The following CDK19 variants were observed in gnomAD, a reference collection of about 807,000 sequenced individuals.
CDK19 encodes cyclin-dependent kinase 19.
CDK19 carries 20 observed loss-of-function variants against 68.3 expected under a neutral mutation model. That is an observed-to-expected ratio of 0.29 (90% CI 0.21 to 0.43). The LOEUF is 0.43. Among genes scored for constraint, CDK19 ranks in the 20% least tolerant of loss-of-function variants. The pLI, the probability that CDK19 is intolerant of heterozygous loss-of-function variation, is 1.00. For synonymous variants in CDK19, 221 were observed against 222.8 expected, an observed-to-expected ratio of 0.99 and a Z score of 0.07; for missense variants, 339 against 623.5, an observed-to-expected ratio of 0.54 and a Z score of 4.86.
rs1365418903 is a variant in CDK19, at chr6:110,689,019, G to C, written c.205-18478C>G. Among the ~76,000 whole-genome samples, 3 of 152,160 alleles carry C rather than the reference G, an allele frequency of 2.0e-5. No homozygotes were observed. The East Asian group carries it at 5.8e-4, about 29-fold the overall frequency. On this transcript the variant is annotated intron_variant, in intron 2 of 12. Transcript: ENST00000368911. ...AAGGCTTATACCCTGGGGCAGTTTT[G>C]AGTTCTGAGCATACACAGCCTGAAC...
At chr6:110,797,009 C>CA (rs61247667) in intron 1 of CDK19, among the ~76,000 whole-genome samples, 2,474 of 111,830 alleles carry the variant, frequency 0.022, 76 homozygotes, top group African/African-American at 0.072. Flanking sequence ...AACTCCATCT[C>CA]AAAAAAAAAA....
chr6:110,629,310 G>A (rs1333965490), intron 6 of CDK19, among the ~76,000 whole-genome samples: 1 of 152,066 alleles, frequency 6.6e-6, no homozygotes, highest in Non-Finnish European at 1.5e-5. Flanking sequence ...CTACTTCTCA[G>A]GTTTCTTTCC....
intron 1 of CDK19, among the ~76,000 whole-genome samples, chr6:110,754,512 G>A (rs1019014732): frequency 6.7e-6 from 1 of 148,916 alleles, no homozygotes; most frequent in Non-Finnish European, 1.5e-5. Flanking sequence ...ACGGAGTCTC[G>A]CTCTGTCACC....
intron 1 of CDK19, among the ~76,000 whole-genome samples, chr6:110,806,148 C>T (rs1782666237): frequency 6.6e-6 from 1 of 151,518 alleles, no homozygotes; most frequent in African/African-American, 2.4e-5. Context: ...GAGACCAGCC[C>T]GGCCAACATG....
At chr6:110,689,932 T>C (rs754127940) in intron 2 of CDK19, among the ~76,000 whole-genome samples, 4 of 152,186 alleles carry the variant, frequency 2.6e-5, no homozygotes, top group Admixed American at 6.5e-5. Flanking sequence ...GAACATCCCG[T>C]GGGACAAAAT....
chr6:110,815,237 C>CCTCTCG lies in CDK19; in HGVS notation c.-107_-102dup. ...CGCCGCTCCACTTCTCCAACAGCCG[C>CCTCTCG]CTCTCGCGCGCGCGCGCGCGCCGCC... On this transcript the variant is annotated 5_prime_UTR_variant, in exon 1 of 13. Coordinates refer to ENST00000368911, the MANE Select transcript of CDK19 (RefSeq NM_015076.5). 1 of 1,286,326 alleles carries CCTCTCG rather than the reference C, an allele frequency of 7.8e-7. No individual in the cohort carries two copies. The highest frequency in any genetic ancestry group is 9.9e-7 in the Non-Finnish European group (1 of 1,008,392). 79.7% of individuals were successfully genotyped at this position (1,286,326 alleles called of 1,614,324 possible).
At chr6:110,707,128 A>G (rs1025733253) in intron 2 of CDK19, among the ~76,000 whole-genome samples, 1 of 151,856 alleles carries the variant, frequency 6.6e-6, no homozygotes, top group Non-Finnish European at 1.5e-5. Flanking sequence ...CTGGCCAAAC[A>G]ATGACAATCT....
At chr6:110,809,051 A>C (rs971032499) in intron 1 of CDK19, among the ~76,000 whole-genome samples, 5 of 131,432 alleles carry the variant, frequency 3.8e-5, no homozygotes, top group Non-Finnish European at 8.4e-5. Context: ...CTAAAAATAC[A>C]AAAAAAAAAA....
chr6:110,708,673 A>G (rs978272299), intron 2 of CDK19, among the ~76,000 whole-genome samples: 4 of 152,206 alleles, frequency 2.6e-5, no homozygotes, highest in African/African-American at 9.7e-5. Context: ...AAGCTCTTCA[A>G]CATGACACTG....
At chr6:110,778,901 A>T (rs79051546) in intron 1 of CDK19, among the ~76,000 whole-genome samples, 38 of 152,208 alleles carry the variant, frequency 2.5e-4, no homozygotes, top group Non-Finnish European at 4.7e-4. Context: ...TCTGGACAAT[A>T]AGGGTAATGG....
chr6:110,780,582 A>T (rs1243577889), intron 1 of CDK19, among the ~76,000 whole-genome samples: 1 of 152,180 alleles, frequency 6.6e-6, no homozygotes, highest in Non-Finnish European at 1.5e-5. Flanking sequence ...TGAGTGGATA[A>T]ACAAACCTAT....
At chr6:110,736,513 G>A (rs1191910306) in intron 2 of CDK19, among the ~76,000 whole-genome samples, 1 of 152,002 alleles carries the variant, frequency 6.6e-6, no homozygotes, top group African/African-American at 2.4e-5. Flanking sequence ...TGAAGCCAAA[G>A]GCATATTTAA....
intron 12 of CDK19, among the ~76,000 whole-genome samples, chr6:110,619,046 A>G (rs1217562079): frequency 2.6e-5 from 4 of 152,070 alleles, no homozygotes; most frequent in African/African-American, 9.7e-5. Context: ...TGGCCCCTAG[A>G]TGGTGTATGA....
At chr6:110,773,527 C>T (rs1780186992) in intron 1 of CDK19, among the ~76,000 whole-genome samples, 1 of 152,038 alleles carries the variant, frequency 6.6e-6, no homozygotes, top group East Asian at 1.9e-4. Flanking sequence ...ATGACTTGGA[C>T]AAGTTCCCAC....
chr6:110,759,026 C>T (rs112147846), intron 1 of CDK19, among the ~76,000 whole-genome samples: 2 of 152,182 alleles, frequency 1.3e-5, no homozygotes, highest in African/African-American at 4.8e-5. Context: ...CTTAGGGAGG[C>T]CATGGCAGGA....
chr6:110,798,646 A>AAAAG (rs1237274281), intron 1 of CDK19, among the ~76,000 whole-genome samples: 137 of 148,906 alleles, frequency 9.2e-4, no homozygotes, highest in African/African-American at 3.3e-3. Flanking sequence ...AAAAAAAAAA[A>AAAAG]AAAGAAAGAA....
At chr6:110,623,944 T>G (rs1778925971) in intron 8 of CDK19, among the ~76,000 whole-genome samples, 1 of 149,020 alleles carries the variant, frequency 6.7e-6, no homozygotes, top group Non-Finnish European at 1.5e-5. Context: ...TATATATGTG[T>G]GTATATATAT....
At position 110,815,246 on chromosome 6, in the gene CDK19, C is replaced by A; in HGVS notation, c.-110G>T. On this transcript the variant is annotated 5_prime_UTR_variant, in exon 1 of 13. Coordinates refer to ENST00000368911, the MANE Select transcript of CDK19 (RefSeq NM_015076.5). ...ACTTCTCCAACAGCCGCCTCTCGCG[C>A]GCGCGCGCGCGCCGCCCGCCGCCCG... is the stretch of plus-strand genomic sequence containing the variant. The A allele has an allele frequency of 1.7e-6, 2 of 1,188,294 alleles. No homozygotes were observed. Among genetic ancestry groups the A allele is most frequent in the Non-Finnish European group, 2.1e-6 (2 of 940,374 alleles). The allele number at this position is 1,188,294 out of a possible 1,614,324, so 73.6% of individuals were successfully genotyped here.
chr6:110,614,715 G>A (rs1431991694), intron 12 of CDK19, 49 bp from the exon 13 acceptor site: 3 of 1,595,322 alleles, frequency 1.9e-6, no homozygotes, highest in Middle Eastern at 1.7e-4. Flanking sequence ...GGAAGAGGAT[G>A]ACTCAAGATG....
Sources: gnomAD v4.1 joint callset for allele counts (sites outside exome capture counted in the v4.1 genomes callset) on GRCh38, gnomAD v4.1.1 for gene constraint, MANE v1.5 for transcripts, NCBI Gene and HGNC (gene_info 2026-07-23, HGNC 2026-07-21) for gene names.